IRAK2: variants seen among roughly 807,000 people sequenced by gnomAD.
The protein encoded by IRAK2 is interleukin 1 receptor associated kinase 2.
Under a neutral mutation model 72.0 loss-of-function variants are expected in IRAK2, and 57 were observed. The ratio of observed to expected loss-of-function variants is 0.79; its 90% CI spans 0.64 to 0.99. The LOEUF is 0.99. Ranked by LOEUF, IRAK2 falls within the 50% of genes least tolerant of loss-of-function variation. IRAK2 has a pLI of 0.00. For missense variants in IRAK2, 790 were observed against 794.4 expected (o/e 0.99, Z 0.07); for synonymous variants, 293 against 312.7 (o/e 0.94, Z 0.67).
intron 6 of IRAK2, 48 bp from the exon 7 acceptor site, chr3:10,216,886 C>G (rs1304892541): frequency 7.2e-7 from 1 of 1,388,234 alleles, no homozygotes; most frequent in South Asian, 1.2e-5. Flanking sequence ...GGAAGTAGAT[C>G]ATTCTTTCCG....
chr3:10,227,273 C>T (rs1393920806), intron 10 of IRAK2, among the ~76,000 whole-genome samples: 1 of 151,966 alleles, frequency 6.6e-6, no homozygotes, highest in Non-Finnish European at 1.5e-5. Context: ...CATGGCGAAA[C>T]CCTGTCTCTA....
At chr3:10,238,724 T>C in intron 11 of IRAK2, 24 bp from the exon 12 acceptor site, 1 of 1,605,900 alleles carries the variant, frequency 6.2e-7, no homozygotes, top group Non-Finnish European at 8.5e-7. Context: ...CCTGATGAGC[T>C]CCCTTCTCTC....
At chr3:10,202,292 T>A (rs1244917239) in intron 3 of IRAK2, among the ~76,000 whole-genome samples, 1 of 152,196 alleles carries the variant, frequency 6.6e-6, no homozygotes, top group Admixed American at 6.5e-5. Flanking sequence ...GCATAGCAGT[T>A]CCTTCTGGTA....
At chr3:10,167,560 G>T (rs904322397) in intron 1 of IRAK2, among the ~76,000 whole-genome samples, 3 of 152,034 alleles carry the variant, frequency 2.0e-5, no homozygotes, top group African/African-American at 7.2e-5. Context: ...GACTACAGGT[G>T]CCTGCCACCA....
At chr3:10,181,970 C>CTTTTTTTTTTTTTTTTTTTT (rs376518112) in intron 2 of IRAK2, among the ~76,000 whole-genome samples, 3 of 131,830 alleles carry the variant, frequency 2.3e-5, no homozygotes, top group Non-Finnish European at 4.9e-5. Flanking sequence ...TTTTTCTTTT[C>CTTTTTTTTTTTTTTTTTTTT]TTTTTTTTTT....
chr3:10,219,924 C>T lies in IRAK2; in HGVS notation c.1013+135C>T, dbSNP rs879431321. The T allele has an allele frequency of 2.0e-5, 13 of 651,938 alleles. No individual in the cohort carries two copies. In the Admixed American group the frequency reaches 2.2e-4, roughly 11 times the overall value. 40.4% of individuals were successfully genotyped at this position (651,938 alleles called of 1,614,324 possible). A position where few individuals can be genotyped will look rare whatever the true frequency, so the allele number is the denominator to read the frequency against. ...TCTCTTCCTACCTCCTCTCCTCTGC[C>T]CTCCCCTGGATGTCTTTTTCTCTGT... On this transcript the variant is annotated intron_variant, in intron 8 of 12. Transcript: ENST00000256458.
At chr3:10,210,708 G>A (rs956611276) in intron 4 of IRAK2, among the ~76,000 whole-genome samples, 1 of 152,098 alleles carries the variant, frequency 6.6e-6, no homozygotes, top group Non-Finnish European at 1.5e-5. Flanking sequence ...GCAACACAGG[G>A]AGGCCCCATC....
At chr3:10,225,583 A>G (rs1229769538) in intron 9 of IRAK2, among the ~76,000 whole-genome samples, 1 of 152,214 alleles carries the variant, frequency 6.6e-6, no homozygotes, top group Non-Finnish European at 1.5e-5. Context: ...CTGTGAGTGA[A>G]ACATGCTATG....
At chr3:10,218,452 C>T (rs1278121272) in intron 7 of IRAK2, among the ~76,000 whole-genome samples, 1 of 114,552 alleles carries the variant, frequency 8.7e-6, no homozygotes, top group Non-Finnish European at 1.9e-5. Context: ...AAAACCAAAA[C>T]GGTGATGATT....
At chr3:10,225,946 A>G (rs1276479234) in intron 9 of IRAK2, among the ~76,000 whole-genome samples, 1 of 151,892 alleles carries the variant, frequency 6.6e-6, no homozygotes, top group Non-Finnish European at 1.5e-5. Flanking sequence ...TGATCCGCCC[A>G]CCTCAGCCTC....
At chr3:10,179,599 A>G (rs1207419417) in intron 2 of IRAK2, among the ~76,000 whole-genome samples, 8 of 152,052 alleles carry the variant, frequency 5.3e-5, no homozygotes, top group Admixed American at 5.2e-4. Flanking sequence ...ATGCCCGGCT[A>G]ATTTTTGTAT....
At chr3:10,199,512 C>T (rs1697321038) in intron 2 of IRAK2, among the ~76,000 whole-genome samples, 1 of 152,182 alleles carries the variant, frequency 6.6e-6, no homozygotes, top group African/African-American at 2.4e-5. Flanking sequence ...TTTTAGGATT[C>T]TCATCCATCA....
In IRAK2 at chr3:10,219,791, TGA is replaced by T. The variant is rs1324921454; in HGVS notation, c.1013+8_1013+9del. 1.2e-6 allele frequency: 2 copies of T among 1,606,182 alleles called. No individual in the cohort carries two copies. Among genetic ancestry groups the T allele is most frequent in the East Asian group, 4.5e-5 (2 of 44,820 alleles). On this transcript the variant is annotated splice_donor_region_variant and intron_variant, in intron 8 of 12. Coordinates refer to ENST00000256458, the MANE Select transcript of IRAK2 (RefSeq NM_001570.4). The stretch of plus-strand genomic sequence containing the variant: ...GATCATCCACAGCAACGTCAAGAGG[TGA>T]GAGAGGTGGGCTGGACCCTGCTGGG...
Position 10,238,899 on chromosome 3 carries a change from C to T in IRAK2, c.1625C>T (p.Ser542Phe), listed in dbSNP as rs779309414. The T allele has an allele frequency of 6.2e-6, 10 of 1,614,132 alleles. No individual in the cohort carries two copies. Among genetic ancestry groups the T allele is most frequent in the Non-Finnish European group, 8.5e-6 (10 of 1,180,006 alleles). The stretch of plus-strand genomic sequence containing the variant: ...AATTCCAGCCTTGATGCCTCCTCCT[C>T]CATGAGTGTGGCACCCTGGGCAGGG... ...VDNSSLDASS[S>F]MSVAPWAGAA... Residue 542 changes from serine to phenylalanine, a missense_variant, in exon 12 of 13, where the codon TCC becomes TTC. Coordinates refer to ENST00000256458, the MANE Select transcript of IRAK2 (RefSeq NM_001570.4).
intron 10 of IRAK2, among the ~76,000 whole-genome samples, chr3:10,229,832 G>A (rs901242290): frequency 6.6e-6 from 1 of 152,186 alleles, no homozygotes; most frequent in Non-Finnish European, 1.5e-5. Context: ...CGGGCACAGT[G>A]GCTCACGGCT....
chr3:10,239,480 G>A (rs1575994326), intron 12 of IRAK2, among the ~76,000 whole-genome samples: 1 of 151,970 alleles, frequency 6.6e-6, no homozygotes, highest in Non-Finnish European at 1.5e-5. Context: ...AGGCCGAGGC[G>A]GGTGGATCAC....
chr3:10,184,453 C>T (rs913819422), intron 2 of IRAK2, among the ~76,000 whole-genome samples: 3 of 152,234 alleles, frequency 2.0e-5, no homozygotes, highest in Non-Finnish European at 2.9e-5. Flanking sequence ...CAGTCACTTC[C>T]TTTAGGGCAA....
chr3:10,224,209 T>C (rs373773088), intron 9 of IRAK2, among the ~76,000 whole-genome samples: 5 of 152,004 alleles, frequency 3.3e-5, no homozygotes, highest in South Asian at 2.1e-4. Context: ...TGGTGGCATG[T>C]GCCTGTAATC....
intron 1 of IRAK2, among the ~76,000 whole-genome samples, chr3:10,166,739 G>T (rs539210041): frequency 6.0e-4 from 92 of 152,278 alleles, no homozygotes; most frequent in African/African-American, 2.1e-3. Context: ...CCGCCTCTTG[G>T]ATTCAAGTGA....
Sources: gnomAD v4.1 joint callset for allele counts (sites outside exome capture counted in the v4.1 genomes callset) on GRCh38, gnomAD v4.1.1 for gene constraint, MANE v1.5 for transcripts, NCBI Gene and HGNC (gene_info 2026-07-23, HGNC 2026-07-21) for gene names.